Variants in ERI3 observed in about 807,000 individuals in gnomAD.
ERI3 encodes the protein ERI1 exoribonuclease family member 3, also known as ERI1 exoribonuclease 3.
Under a neutral mutation model 44.4 loss-of-function variants are expected in ERI3, and 18 were observed. That is an observed-to-expected ratio of 0.41 (90% CI 0.28 to 0.60). The LOEUF is 0.60. ERI3 is among the 20% of genes least tolerant of loss of function. ERI3 has a pLI of 0.36. For missense variants in ERI3, 294 were observed against 435.5 expected (o/e 0.68, Z 2.89); for synonymous variants, 183 against 164.8 (o/e 1.11, Z -0.84).
chr1:44,310,953 G>GCA (rs1557840758), intron 5 of ERI3, among the ~76,000 whole-genome samples: 3 of 67,472 alleles, frequency 4.4e-5, no homozygotes, highest in South Asian at 6.9e-4. Flanking sequence ...TGTGCACATC[G>GCA]CGCGCGCGCG....
intron 6 of ERI3, among the ~76,000 whole-genome samples, chr1:44,307,159 G>A (rs1372075637): frequency 6.6e-6 from 1 of 152,084 alleles, no homozygotes; most frequent in Non-Finnish European, 1.5e-5. Context: ...GATGGGTGTG[G>A]GAGATGAGGT....
At chr1:44,281,603 T>G (rs10661451) in intron 7 of ERI3, among the ~76,000 whole-genome samples, 1 of 102,080 alleles carries the variant, frequency 9.8e-6, no homozygotes, top group Non-Finnish European at 2.0e-5. Context: ...AAAAAAAAAA[T>G]ATATATATAT....
intron 6 of ERI3, among the ~76,000 whole-genome samples, chr1:44,285,635 CA>C (rs1389916658): frequency 6.6e-5 from 10 of 152,140 alleles, no homozygotes; most frequent in Non-Finnish European, 1.3e-4. Flanking sequence ...TTTACTCAGA[CA>C]AATCCATTCA....
chr1:44,273,870 A>G (rs967382579), intron 7 of ERI3, among the ~76,000 whole-genome samples: 1 of 152,206 alleles, frequency 6.6e-6, no homozygotes, highest in East Asian at 1.9e-4. Flanking sequence ...ACAGTCATGT[A>G]TATTTGAAAA....
chr1:44,248,934 G>A (rs1644614941), intron 7 of ERI3, among the ~76,000 whole-genome samples: 1 of 152,088 alleles, frequency 6.6e-6, no homozygotes, highest in Non-Finnish European at 1.5e-5. Context: ...ACCTGGGGGG[G>A]GGACACACGG....
intron 7 of ERI3, among the ~76,000 whole-genome samples, chr1:44,264,806 T>C (rs1359536722): frequency 6.6e-6 from 1 of 152,238 alleles, no homozygotes; most frequent in African/African-American, 2.4e-5. Flanking sequence ...CCTGCCATCA[T>C]TCCTTCCTCC....
At chr1:44,344,368 G>T (rs1301380021) in intron 2 of ERI3, among the ~76,000 whole-genome samples, 1 of 152,150 alleles carries the variant, frequency 6.6e-6, no homozygotes, top group Non-Finnish European at 1.5e-5. Flanking sequence ...AGATCTCCCT[G>T]TAATGCCCAC....
intron 4 of ERI3, among the ~76,000 whole-genome samples, chr1:44,313,752 A>AGTT (rs1646022994): frequency 6.6e-6 from 1 of 151,916 alleles, no homozygotes; most frequent in Non-Finnish European, 1.5e-5. Context: ...ACCTTCCCTA[A>AGTT]CATCCATGAA....
chr1:44,301,290 C>T (rs1645720697), intron 6 of ERI3, among the ~76,000 whole-genome samples: 1 of 152,158 alleles, frequency 6.6e-6, no homozygotes, highest in Non-Finnish European at 1.5e-5. Context: ...CCTTCAGAAC[C>T]TCCTCCCCCT....
At chr1:44,261,966 G>C (rs1032608599) in intron 7 of ERI3, among the ~76,000 whole-genome samples, 2 of 152,190 alleles carry the variant, frequency 1.3e-5, no homozygotes, top group African/African-American at 4.8e-5. Context: ...GAACAGGAAG[G>C]GAACAGAGTA....
chr1:44,228,428 T>C lies in ERI3; in HGVS notation c.932-6788A>G, dbSNP rs1017489883. Among the ~76,000 whole-genome samples, 2 of 152,256 alleles carry C rather than the reference T, an allele frequency of 1.3e-5. No individual in the cohort carries two copies. The highest frequency in any genetic ancestry group is 2.9e-5 in the Non-Finnish European group (2 of 68,050). On this transcript the variant is annotated intron_variant, in intron 8 of 8. Transcript: ENST00000372257. The surrounding 1 kb of genome is among the most constrained non-coding windows in gnomAD (Gnocchi z 4.3). ...TGAAATTACAGAAATGCAGTCCACT[T>C]ATTCAAACAACTCACCATTACCATA... is the stretch of plus-strand genomic sequence containing the variant.
intron 8 of ERI3, among the ~76,000 whole-genome samples, chr1:44,238,397 T>C (rs1644356682): frequency 6.6e-6 from 1 of 152,066 alleles, no homozygotes. Flanking sequence ...GGCCTGGGTG[T>C]CAGCGCAGGG....
At chr1:44,309,701 A>T (rs1257192992) in intron 5 of ERI3, among the ~76,000 whole-genome samples, 3 of 151,760 alleles carry the variant, frequency 2.0e-5, no homozygotes, top group Admixed American at 2.0e-4. Context: ...AGTAGCTGGG[A>T]CTACAGGCGC....
At chr1:44,319,835 T>C in intron 3 of ERI3, 91 bp from the exon 4 acceptor site, 1 of 976,316 alleles carries the variant, frequency 1.0e-6, no homozygotes, top group Admixed American at 1.9e-5. Context: ...AATGAGTGTT[T>C]TGGATTCATT....
intron 4 of ERI3, 65 bp from the exon 5 acceptor site, chr1:44,313,293 G>T (rs1646013143): frequency 1.4e-6 from 2 of 1,465,934 alleles, no homozygotes; most frequent in Admixed American, 3.4e-5. Context: ...GGCTGAACAG[G>T]ACCCCTTCCT....
chr1:44,318,839 A>G (rs972838130), intron 4 of ERI3, among the ~76,000 whole-genome samples: 1 of 152,194 alleles, frequency 6.6e-6, no homozygotes, highest in African/African-American at 2.4e-5. Context: ...CTGCTACCAC[A>G]CATTCTTAAC....
At chr1:44,352,824 A>T (rs1185250577) in intron 2 of ERI3, 26 bp downstream of exon 2, 1 of 1,613,814 alleles carries the variant, frequency 6.2e-7, no homozygotes, top group African/African-American at 1.3e-5. Flanking sequence ...ATAAAGCCAG[A>T]CTTGACCATG....
chr1:44,354,867 G>A (rs760292321), intron 1 of ERI3, 25 bp downstream of exon 1: 1 of 1,314,980 alleles, frequency 7.6e-7, no homozygotes, highest in East Asian at 2.8e-5. Context: ...GCCCAATCTT[G>A]GCGGGGCCAT....
chr1:44,338,882 C>T (rs943046241), intron 3 of ERI3, among the ~76,000 whole-genome samples, 163 bp downstream of exon 3: 1 of 152,168 alleles, frequency 6.6e-6, no homozygotes, highest in African/African-American at 2.4e-5. Context: ...CTACCTTACA[C>T]TAGCATACCT....
Sources: gnomAD v4.1 joint callset for allele counts (sites outside exome capture counted in the v4.1 genomes callset) on GRCh38, gnomAD v4.1.1 for gene constraint, Gnocchi (gnomAD v3.1) non-coding constraint, MANE v1.5 for transcripts, NCBI Gene and HGNC (gene_info 2026-07-23, HGNC 2026-07-21) for gene names.